CCDC171: variants seen among roughly 807,000 people sequenced by gnomAD.
CCDC171 encodes the protein coiled-coil domain-containing protein 171.
In CCDC171, 177 loss-of-function variants were observed where a neutral mutation model predicts 168.2. The ratio of observed to expected loss-of-function variants is 1.05; its 90% CI spans 0.93 to 1.19. CCDC171 has a LOEUF of 1.19. Ranked by LOEUF, CCDC171 falls within the 50% of genes most tolerant of loss-of-function variation. The pLI, the probability that CCDC171 is intolerant of heterozygous loss-of-function variation, is 0.00. For synonymous variants in CCDC171, 687 were observed against 540.8 expected, an observed-to-expected ratio of 1.27 and a Z score of -3.75; for missense variants, 1,991 against 1,539.0, an observed-to-expected ratio of 1.29 and a Z score of -4.91.
At chr9:15,557,010 T>C (rs2038861656) in intron 1 of CCDC171, among the ~76,000 whole-genome samples, 1 of 152,184 alleles carries the variant, frequency 6.6e-6, no homozygotes, top group South Asian at 2.1e-4. Context: ...CCTTTCCCCA[T>C]TGCTTGTTTT....
Position 15,560,688 on chromosome 9 carries a change from C to T in CCDC171, c.-111-3290C>T, listed in dbSNP as rs145167190. 1.2e-4 allele frequency among the ~76,000 whole-genome samples: 19 copies of T among 152,224 alleles called. No individual in the cohort carries two copies. In the East Asian group the frequency reaches 2.3e-3, roughly 19 times the overall value. On this transcript the variant is annotated intron_variant, in intron 1 of 25. Transcript: ENST00000380701. ...TGGGTTTGAACATCCTCCTTTAGCT[C>T]GGAGAAGTTTATTATTACCCATCGT... is the stretch of plus-strand genomic sequence containing the variant.
At chr9:15,991,042 C>A (rs940914286) in intron 3 of CCDC171, among the ~76,000 whole-genome samples, 16 of 152,114 alleles carry the variant, frequency 1.1e-4, no homozygotes, top group African/African-American at 3.6e-4. Context: ...ACAAGGATAT[C>A]CAGGAATTGA....
At chr9:15,910,317 A>G (rs901318025) in intron 24 of CCDC171, among the ~76,000 whole-genome samples, 19 of 152,194 alleles carry the variant, frequency 1.2e-4, no homozygotes, top group African/African-American at 4.3e-4. Context: ...TGTTATAACA[A>G]TAGGGTATAA....
intron 1 of CCDC171, among the ~76,000 whole-genome samples, chr9:15,558,198 C>CT (rs1563934990): frequency 6.6e-6 from 1 of 152,004 alleles, no homozygotes; most frequent in South Asian, 2.1e-4. Context: ...CTAAAATTCT[C>CT]TTTTTTTGTT....
At chr9:15,565,772 G>T (rs776068847) in intron 2 of CCDC171, among the ~76,000 whole-genome samples, 1 of 152,190 alleles carries the variant, frequency 6.6e-6, no homozygotes, top group Non-Finnish European at 1.5e-5. Context: ...ACAGACATTT[G>T]AGTTGTTTCC....
intron 6 of CCDC171, among the ~76,000 whole-genome samples, chr9:15,611,115 C>G (rs147784577): frequency 6.6e-6 from 1 of 152,140 alleles, no homozygotes; most frequent in African/African-American, 2.4e-5. Flanking sequence ...AAGTGTGTAG[C>G]GCCTCCTTCC....
intron 20 of CCDC171, among the ~76,000 whole-genome samples, chr9:15,783,595 AC>A: frequency 6.6e-6 from 1 of 152,184 alleles, no homozygotes; most frequent in East Asian, 1.9e-4. Flanking sequence ...CTTTTGTGAA[AC>A]CTTCCTCTTT....
At chr9:15,677,380 C>T (rs1050784499) in intron 9 of CCDC171, among the ~76,000 whole-genome samples, 5 of 152,084 alleles carry the variant, frequency 3.3e-5, no homozygotes, top group Non-Finnish European at 5.9e-5. Flanking sequence ...CTAGAATTGT[C>T]TGTGTTCCAC....
At chr9:15,632,044 A>G (rs978801594) in intron 7 of CCDC171, among the ~76,000 whole-genome samples, 7 of 152,160 alleles carry the variant, frequency 4.6e-5, no homozygotes, top group Non-Finnish European at 8.8e-5. Context: ...GCTCTTTATG[A>G]CAAACCCACA....
At chr9:15,619,311 G>A (rs1205414977) in intron 6 of CCDC171, among the ~76,000 whole-genome samples, 3 of 152,108 alleles carry the variant, frequency 2.0e-5, no homozygotes, top group Admixed American at 6.6e-5. Flanking sequence ...CTTTAGTGCC[G>A]AACAGCCAAG....
intron 25 of CCDC171, among the ~76,000 whole-genome samples, chr9:15,952,559 G>T (rs557955584): frequency 1.3e-5 from 2 of 152,112 alleles, no homozygotes; most frequent in South Asian, 4.2e-4. Flanking sequence ...CACCAAGCCC[G>T]GCTAATTTTG....
In CCDC171 at chr9:15,825,983, T is replaced by A. The variant is rs143868590; in HGVS notation, c.3268-20719T>A. Among the ~76,000 whole-genome samples, 187 of 152,238 alleles carry A rather than the reference T, an allele frequency of 1.2e-3. 3 individuals are homozygous for A. Among genetic ancestry groups the A allele is most frequent in the South Asian group, 7.1e-3 (34 of 4,820 alleles). ...TTTTTGTTTTTCTCTTTTCTCTTTC[T>A]GGAACATCTGTTAGTCTGTCAGAAG... On this transcript the variant is annotated intron_variant, in intron 21 of 25. Transcript: ENST00000380701.
At chr9:15,943,025 A>C (rs574887479) in intron 25 of CCDC171, among the ~76,000 whole-genome samples, 9 of 151,926 alleles carry the variant, frequency 5.9e-5, no homozygotes, top group Non-Finnish European at 1.2e-4. Flanking sequence ...ATGGGTCCTG[A>C]GTTAAACTGC....
intron 3 of CCDC171, among the ~76,000 whole-genome samples, chr9:15,578,625 C>T (rs898140112): frequency 6.7e-6 from 1 of 150,346 alleles, no homozygotes; most frequent in Non-Finnish European, 1.5e-5. Context: ...ATAAAAAGTT[C>T]TTATAAGATT....
intron 7 of CCDC171, among the ~76,000 whole-genome samples, chr9:15,649,854 A>G (rs931748636): frequency 1.3e-5 from 2 of 152,238 alleles, no homozygotes; most frequent in African/African-American, 4.8e-5. Context: ...TTCCTCAAGG[A>G]TCTAAAACTA....
At chr9:15,961,594 T>C (rs1007183773) in intron 25 of CCDC171, among the ~76,000 whole-genome samples, 1 of 152,194 alleles carries the variant, frequency 6.6e-6, no homozygotes, top group Admixed American at 6.6e-5. Flanking sequence ...GTTCTTTGCT[T>C]GATCAAAATC....
chr9:16,034,106 A>C (rs533192819), intron 6 of CCDC171, among the ~76,000 whole-genome samples: 1 of 152,352 alleles, frequency 6.6e-6, no homozygotes, highest in East Asian at 1.9e-4. Context: ...GAAACATGCC[A>C]CCTAGTAGCA....
chr9:16,019,397 G>C (rs138336021), intron 3 of CCDC171, among the ~76,000 whole-genome samples: 1 of 152,336 alleles, frequency 6.6e-6, no homozygotes, highest in African/African-American at 2.4e-5. Flanking sequence ...ATCTCAAGTA[G>C]AGACTAATTC....
intron 3 of CCDC171, among the ~76,000 whole-genome samples, chr9:15,995,381 C>T (rs987685709): frequency 6.6e-6 from 1 of 152,314 alleles, no homozygotes; most frequent in Non-Finnish European, 1.5e-5. Flanking sequence ...AAAGATGTCC[C>T]TGGTGATCCA....
Sources: allele counts gnomAD v4.1 joint callset (sites outside exome capture counted in the v4.1 genomes callset), GRCh38; gene constraint gnomAD v4.1.1; transcripts MANE v1.5; gene names NCBI Gene and HGNC (gene_info 2026-07-23, HGNC 2026-07-21).